GTPBP3: variants seen among roughly 807,000 people sequenced by gnomAD.
GTPBP3 encodes 5-taurinomethyluridine-[tRNA] synthase subunit GTPB3, mitochondrial.
In GTPBP3, 35 loss-of-function variants were observed where a neutral mutation model predicts 42.0. That is an observed-to-expected ratio of 0.83 (90% CI 0.64 to 1.10). The LOEUF (loss-of-function observed/expected upper bound fraction) is 1.10, where lower values mean the gene tolerates loss of function less well. Among genes scored for constraint, GTPBP3 ranks in the 50% least tolerant of loss-of-function variants. GTPBP3 has a pLI of 0.00. For synonymous variants in GTPBP3, 332 were observed against 314.9 expected (o/e 1.05, Z -0.58); for missense variants, 691 against 685.2 (o/e 1.01, Z -0.09).
intron 1 of GTPBP3, 58 bp from the exon 2 acceptor site, chr19:17,337,950 A>G (rs764442594): frequency 6.3e-7 from 1 of 1,579,988 alleles, no homozygotes; most frequent in East Asian, 2.3e-5. Flanking sequence ...CCCTCGGTCT[A>G]CTTGACACTG....
intron 7 of GTPBP3, 91 bp downstream of exon 7, chr19:17,339,690 C>G: frequency 8.1e-7 from 1 of 1,233,006 alleles, no homozygotes; most frequent in Non-Finnish European, 1.1e-6. Flanking sequence ...CTTCCTGAAT[C>G]AGAGAACCTG....
rs1228915505 is a variant in GTPBP3 at position 17,339,613 on chromosome 19, G to A, written c.974+14G>A. On this transcript the variant is annotated intron_variant, in intron 7 of 8. Coordinates refer to ENST00000324894, the MANE Select transcript of GTPBP3 (RefSeq NM_032620.4). ...CGCCCGGGAGAGGTGGGCGGACAGG[G>A]TGGTGATGGGAGGGGAACGCGGGGC... 1.3e-6 allele frequency: 2 copies of A among 1,589,966 alleles called. No homozygotes were observed. The highest frequency in any genetic ancestry group is 1.3e-5 in the African/African-American group (1 of 74,478).
At position 17,341,140 on chromosome 19, in the gene GTPBP3, G is replaced by A. The variant is rs1483920371; in HGVS notation, c.1071G>A (p.Val357=). 4 of 1,613,516 alleles carry A rather than the reference G, an allele frequency of 2.5e-6. No individual in the cohort carries two copies. Among genetic ancestry groups the A allele is most frequent in the Non-Finnish European group, 3.4e-6 (4 of 1,180,026 alleles). ...CNFLATVVAS[V]GAQSPSDSSQ... Reference sequence around the variant, plus strand: ...TCCTGGCCACCGTCGTAGCCTCTGTGGGAGCCCAGAGCCCCAGTGACAGCA... The same window carrying A: ...TCCTGGCCACCGTCGTAGCCTCTGTAGGAGCCCAGAGCCCCAGTGACAGCA... Residue 357 remains valine, a synonymous_variant, in exon 8 of 9, where the codon GTG becomes GTA. Transcript: ENST00000324894.
chr19:17,339,498 A>C lies in GTPBP3; in HGVS notation c.873A>C (p.Pro291=). 1.9e-6 allele frequency: 3 copies of C among 1,613,950 alleles called. No individual in the cohort carries two copies. The highest frequency in any genetic ancestry group is 2.5e-6 in the Non-Finnish European group (3 of 1,179,968). The change falls in exon 7 of 9, where the codon CCA becomes CCC. Residue 291 remains proline, a synonymous_variant. Coordinates refer to ENST00000324894, the MANE Select transcript of GTPBP3 (RefSeq NM_032620.4). ...PGTTRDVLET[P]VDLAGFPVLL... ...CCACCCGTGACGTGCTGGAGACCCC[A>C]GTCGACCTGGCCGGATTTCCTGTGC...
At position 17,339,284 on chromosome 19, in the gene GTPBP3, AG is replaced by A. The variant is rs752508649; in HGVS notation, c.808+23del. The A allele has an allele frequency of 3.9e-6, 6 of 1,543,150 alleles. No individual in the cohort carries two copies. The highest frequency in any genetic ancestry group is 1.4e-5 in the African/African-American group (1 of 72,796). ...CCTGCTCAGTGAGTAGGCGGCGGGAAGGGGGCGGGGCCTAGTGCCAGGGGCG... is the reference window on the plus strand; with the variant it reads ...CCTGCTCAGTGAGTAGGCGGCGGGAAGGGGCGGGGCCTAGTGCCAGGGGCG... On this transcript the variant is annotated intron_variant, in intron 6 of 8. Coordinates refer to ENST00000324894, the MANE Select transcript of GTPBP3 (RefSeq NM_032620.4).
chr19:17,337,754 G>C (rs984863099), intron 1 of GTPBP3, 90 bp downstream of exon 1: 25 of 1,369,442 alleles, frequency 1.8e-5, no homozygotes, highest in Non-Finnish European at 2.2e-5. Context: ...AATTCCCTGC[G>C]GCAGAGCAAT....
In GTPBP3 at chr19:17,341,478, G is replaced by C. The variant is rs113820235; in HGVS notation, c.1254G>C (p.Val418=). 1.8e-4 allele frequency: 287 copies of C among 1,607,334 alleles called. 2 individuals carry two copies. The African/African-American group carries it at 3.3e-3, about 18-fold the overall frequency. ...LEALRKELAA[V]CGDPSTDPPL... ...AGACCATGTCTCTTGTCTCTTCCAG[G>C]TGTGGGGACCCGTCCACAGATCCCC... Residue 418 remains valine (V), a splice_region_variant and synonymous_variant, in exon 9 of 9, where the codon GTG becomes GTC. Coordinates refer to ENST00000324894, the MANE Select transcript of GTPBP3 (RefSeq NM_032620.4).
rs201374694 is a variant in GTPBP3, at chr19:17,338,949, G to T, written c.592-5G>T. ...ACACCACCTCTGCTCTCCCTGCCCC[G>T]CCAGGCTCTGGCCCACGTGGAGGCC... On this transcript the variant is annotated splice_region_variant and splice_polypyrimidine_tract_variant and intron_variant, in intron 4 of 8. Transcript: ENST00000324894. 5.8e-4 allele frequency: 930 copies of T among 1,590,138 alleles called. 3 individuals carry two copies. Among genetic ancestry groups the T allele is most frequent in the Non-Finnish European group, 7.7e-4 (894 of 1,165,726 alleles).
upstream of GTPBP3, chr19:17,337,289 G>T: frequency 3.4e-6 from 1 of 298,398 alleles, no homozygotes; most frequent in East Asian, 5.7e-5. Flanking sequence ...ACTGCCCTGT[G>T]CCAAACTCTG....
Position 17,341,166 on chromosome 19 carries a change from G to C in GTPBP3, c.1097G>C (p.Ser366Thr). The change falls in exon 8 of 9, where the codon AGC becomes ACC. Residue 366 changes from serine to threonine, a missense_variant. Ser to Thr is a moderately conservative substitution (Grantham distance 58, BLOSUM62 1). Coordinates refer to ENST00000324894, the MANE Select transcript of GTPBP3 (RefSeq NM_032620.4). Reference protein sequence around the residue: ...SVGAQSPSDSSQRLLLVLNKS... With the variant: ...SVGAQSPSDSTQRLLLVLNKS... Reference sequence around the variant, plus strand: ...GGAGCCCAGAGCCCCAGTGACAGCAGCCAGCGCCTCCTCCTGGTGCTGAAC... The same window carrying C: ...GGAGCCCAGAGCCCCAGTGACAGCACCCAGCGCCTCCTCCTGGTGCTGAAC... 6.2e-7 allele frequency: 1 copy of C among 1,613,060 alleles called. No individual in the cohort carries two copies. The highest frequency in any genetic ancestry group is 8.5e-7 in the Non-Finnish European group (1 of 1,180,016).
upstream of GTPBP3, chr19:17,337,436 C>T: frequency 8.2e-7 from 1 of 1,214,310 alleles, no homozygotes. Flanking sequence ...CTCCCTTGCA[C>T]CAGCCAATGG....
intron 4 of GTPBP3, 101 bp from the exon 5 acceptor site, chr19:17,338,853 T>C (rs2074396686): frequency 1.3e-6 from 2 of 1,534,394 alleles, no homozygotes; most frequent in South Asian, 2.5e-5. Flanking sequence ...TTCCGGCCTA[T>C]GAGCCGCCAT....
chr19:17,337,723 C>A, intron 1 of GTPBP3, 59 bp downstream of exon 1: 1 of 1,406,716 alleles, frequency 7.1e-7, no homozygotes, highest in East Asian at 2.8e-5. Flanking sequence ...CCCAGACCCA[C>A]TCCCTGGGTT....
At position 17,337,632 on chromosome 19, in the gene GTPBP3, C is replaced by G; in HGVS notation, c.21C>G (p.Thr7=). The stretch of plus-strand genomic sequence containing the variant: ...AATCCATGTGGCGGGGGCTTTGGAC[C>G]CTGGCGGCCCAAGCGGCACGTGGGC... MWRGLW[T]LAAQAARGPR... is the part of the protein sequence containing the mutation. Residue 7 remains threonine (T), a synonymous_variant, in exon 1 of 9, where the codon ACC becomes ACG. Transcript: ENST00000324894. The G allele has an allele frequency of 7.5e-7, 1 of 1,337,226 alleles. No homozygotes were observed. Among genetic ancestry groups the G allele is most frequent in the Non-Finnish European group, 9.6e-7 (1 of 1,039,428 alleles). 82.8% of individuals were successfully genotyped at this position (1,337,226 alleles called of 1,614,324 possible). A position where few individuals can be genotyped will look rare whatever the true frequency, so the allele number is the denominator to read the frequency against.
chr19:17,337,914 A>T, intron 1 of GTPBP3, 94 bp from the exon 2 acceptor site: 1 of 1,451,390 alleles, frequency 6.9e-7, no homozygotes, highest in Non-Finnish European at 9.3e-7. Flanking sequence ...GAACCCCCCC[A>T]CCTGGAGCAT....
chr19:17,339,135 T>A lies in GTPBP3; in HGVS notation c.677T>A (p.Val226Glu). Residue 226 changes from valine (V) to glutamate (E), a missense_variant, in exon 6 of 9, where the codon GTA (valine) becomes GAA (glutamate). Physicochemically the swap from Val to Glu is moderately radical, Grantham distance 121. Transcript: ENST00000324894. ...EGVLEQADIE[V>E]RALQVALGAH... ...CTCTCACCCACAGCCGACATCGAAG[T>A]ACGGGCACTGCAGGTGGCCCTGGGT... 1 of 1,614,008 alleles carries A rather than the reference T, an allele frequency of 6.2e-7. No homozygotes were observed.
Position 17,339,420 on chromosome 19 carries a change from T to C in GTPBP3, c.809-14T>C. 1 of 1,612,618 alleles carries C rather than the reference T, an allele frequency of 6.2e-7. No homozygotes were observed. The stretch of plus-strand genomic sequence containing the variant: ...TTGTCTCCACCCTCTCCTCTTCTTC[T>C]GACCCTCCCCCAGGTCGGAAGCCTG... On this transcript the variant is annotated splice_polypyrimidine_tract_variant and intron_variant, in intron 6 of 8. Transcript: ENST00000324894.
At chr19:17,337,341 G>A (rs1032684928), upstream of GTPBP3, 7 of 423,434 alleles carry the variant, frequency 1.7e-5, no homozygotes, top group Middle Eastern at 1.3e-3. Context: ...GCCTCGCTGC[G>A]CTAGGACCCT....
chr19:17,335,753 G>A (rs2074361424), upstream of GTPBP3, among the ~76,000 whole-genome samples: 1 of 151,580 alleles, frequency 6.6e-6, no homozygotes, highest in Non-Finnish European at 1.5e-5. Flanking sequence ...GCCCAGCGAG[G>A]GTAGGAACGA....
Sources: gnomAD v4.1 joint callset for allele counts (sites outside exome capture counted in the v4.1 genomes callset) on GRCh38, gnomAD v4.1.1 for gene constraint, MANE v1.5 for transcripts, NCBI Gene and HGNC (gene_info 2026-07-23, HGNC 2026-07-21) for gene names.